The following WDR70 variants were observed in gnomAD, a reference collection of about 807,000 sequenced individuals.
WDR70 encodes the protein WD repeat domain 70.
A neutral mutation model predicts 88.6 loss-of-function variants in WDR70; 53 were observed. The observed-to-expected ratio is 0.60, with a 90% CI of 0.48 to 0.75. WDR70 has a LOEUF of 0.75. WDR70 is among the 30% of genes least tolerant of loss of function. The pLI, the probability that WDR70 is intolerant of heterozygous loss-of-function variation, is 0.00. For synonymous variants in WDR70, 280 were observed against 270.0 expected (o/e 1.04, Z -0.36); for missense variants, 610 against 823.2 (o/e 0.74, Z 3.17).
chr5:37,500,305 A>G (rs1581341536), intron 8 of WDR70, among the ~76,000 whole-genome samples: 1 of 152,180 alleles, frequency 6.6e-6, no homozygotes, highest in Non-Finnish European at 1.5e-5. Context: ...TTCATGGTGT[A>G]TACATACCAT....
intron 8 of WDR70, among the ~76,000 whole-genome samples, chr5:37,516,055 C>A (rs899689210): frequency 6.6e-6 from 1 of 152,170 alleles, no homozygotes; most frequent in African/African-American, 2.4e-5. Context: ...AGGTTGTTGA[C>A]ACATTTTTAG....
At chr5:37,665,511 G>T (rs1745813265) in intron 10 of WDR70, among the ~76,000 whole-genome samples, 1 of 152,214 alleles carries the variant, frequency 6.6e-6, no homozygotes, top group Non-Finnish European at 1.5e-5. Context: ...GCAATTGGCT[G>T]CCAGGGGAAC....
chr5:37,674,125 T>C (rs954166288), intron 10 of WDR70, among the ~76,000 whole-genome samples: 2 of 152,150 alleles, frequency 1.3e-5, no homozygotes, highest in African/African-American at 4.8e-5. Context: ...TTCCTTTAGA[T>C]ATGTACACAG....
At chr5:37,646,780 T>G (rs1466473502) in intron 10 of WDR70, among the ~76,000 whole-genome samples, 2 of 152,184 alleles carry the variant, frequency 1.3e-5, no homozygotes, top group Non-Finnish European at 1.5e-5. Context: ...TCTTGCTCCT[T>G]TTAGGATCCT....
chr5:37,507,819 A>G (rs1436380754), intron 8 of WDR70, among the ~76,000 whole-genome samples: 1 of 152,138 alleles, frequency 6.6e-6, no homozygotes, highest in African/African-American at 2.4e-5. Context: ...TTTGGTTTCT[A>G]ACTGTCATTG....
intron 9 of WDR70, among the ~76,000 whole-genome samples, chr5:37,582,008 C>T (rs1466251952): frequency 2.6e-5 from 4 of 151,072 alleles, no homozygotes; most frequent in Non-Finnish European, 4.4e-5. Context: ...TGTTTGAAAA[C>T]TTAAAAAAAA....
At chr5:37,719,350 C>A (rs779577969) in intron 13 of WDR70, among the ~76,000 whole-genome samples, 7 of 115,374 alleles carry the variant, frequency 6.1e-5, no homozygotes, top group Non-Finnish European at 1.1e-4. Flanking sequence ...GCAACAACAA[C>A]CCCCCCCCCA....
intron 9 of WDR70, among the ~76,000 whole-genome samples, chr5:37,577,771 A>G (rs1256287806): frequency 6.6e-6 from 1 of 152,192 alleles, no homozygotes; most frequent in Non-Finnish European, 1.5e-5. Context: ...GAGGGGAAAG[A>G]TATTACATTC....
At chr5:37,607,154 G>T (rs1376254911) in intron 10 of WDR70, among the ~76,000 whole-genome samples, 1 of 151,534 alleles carries the variant, frequency 6.6e-6, no homozygotes, top group East Asian at 1.9e-4. Flanking sequence ...TGTTGTCCAG[G>T]CTGGTCTCAA....
At chr5:37,444,731 A>C (rs1442903174) in intron 7 of WDR70, among the ~76,000 whole-genome samples, 1 of 152,122 alleles carries the variant, frequency 6.6e-6, no homozygotes, top group African/African-American at 2.4e-5. Flanking sequence ...ACGGTCCCCA[A>C]TCTTTTTTGC....
chr5:37,720,000 G>A (rs1004397253), intron 13 of WDR70, among the ~76,000 whole-genome samples: 1 of 151,834 alleles, frequency 6.6e-6, no homozygotes, highest in African/African-American at 2.4e-5. Flanking sequence ...GTGCCACCAT[G>A]CCCAGCTGGG....
intron 5 of WDR70, among the ~76,000 whole-genome samples, chr5:37,400,287 A>G (rs999871968): frequency 6.6e-6 from 1 of 152,190 alleles, no homozygotes; most frequent in Non-Finnish European, 1.5e-5. Flanking sequence ...ATTGAAGTTC[A>G]CATATATGTT....
chr5:37,385,750 G>A (rs966771065), intron 3 of WDR70, among the ~76,000 whole-genome samples: 3 of 151,886 alleles, frequency 2.0e-5, no homozygotes, highest in African/African-American at 7.3e-5. Flanking sequence ...TATCACTTAG[G>A]AAATTCCAAG....
chr5:37,396,686 C>T (rs567204674), intron 5 of WDR70, 116 bp downstream of exon 5: 19 of 1,418,546 alleles, frequency 1.3e-5, no homozygotes, highest in African/African-American at 5.8e-5. Flanking sequence ...GAGGAAAGGC[C>T]GGGCATGGTG....
At chr5:37,602,643 A>G (rs1206268908) in intron 9 of WDR70, among the ~76,000 whole-genome samples, 2 of 151,936 alleles carry the variant, frequency 1.3e-5, no homozygotes, top group Admixed American at 6.6e-5. Flanking sequence ...AAGAAAAAAA[A>G]AAGGAAAGAA....
chr5:37,558,209 T>C (rs1430361901), intron 9 of WDR70, among the ~76,000 whole-genome samples: 1 of 152,166 alleles, frequency 6.6e-6, no homozygotes, highest in Admixed American at 6.5e-5. Flanking sequence ...GGAATACTGA[T>C]ATGATGTAAT....
At chr5:37,589,400 A>G (rs1743463301) in intron 9 of WDR70, among the ~76,000 whole-genome samples, 1 of 152,034 alleles carries the variant, frequency 6.6e-6, no homozygotes, top group South Asian at 2.1e-4. Context: ...ACCAGCTTTT[A>G]AGTTGGTGAA....
chr5:37,701,574 G>A (rs1317142325), intron 12 of WDR70, among the ~76,000 whole-genome samples: 3 of 152,074 alleles, frequency 2.0e-5, no homozygotes, highest in African/African-American at 7.2e-5. Context: ...CAGATCACGA[G>A]GTCAGGAGAT....
Position 37,701,043 on chromosome 5 carries a change from T to C in WDR70, c.1193-15T>C, listed in dbSNP as rs748979805. 1 of 1,561,064 alleles carries C rather than the reference T, an allele frequency of 6.4e-7. No homozygotes were observed. The highest frequency in any genetic ancestry group is 8.8e-7 in the Non-Finnish European group (1 of 1,132,854). On this transcript the variant is annotated splice_polypyrimidine_tract_variant and intron_variant, in intron 11 of 17. Coordinates refer to ENST00000265107, the MANE Select transcript of WDR70 (RefSeq NM_018034.4). ...TCACTTTTCTGTCTTTTTTTTCCCC[T>C]CATTCCTCTGTCAGGTGACGATTCA... is the stretch of plus-strand genomic sequence containing the variant.
Sources: gnomAD v4.1 joint callset for allele counts (sites outside exome capture counted in the v4.1 genomes callset) on GRCh38, gnomAD v4.1.1 for gene constraint, MANE v1.5 for transcripts, NCBI Gene and HGNC (gene_info 2026-07-23, HGNC 2026-07-21) for gene names.